RPF2: variants seen among roughly 807,000 people sequenced by gnomAD.
RPF2 encodes ribosome production factor 2 homolog.
A neutral mutation model predicts 38.9 loss-of-function variants in RPF2; 21 were observed. That is an observed-to-expected ratio of 0.54 (90% CI 0.38 to 0.78). RPF2 has a LOEUF of 0.78. Among genes scored for constraint, RPF2 ranks in the 30% least tolerant of loss-of-function variants. The pLI is 0.00. For synonymous variants in RPF2, 121 were observed against 126.2 expected, an observed-to-expected ratio of 0.96 and a Z score of 0.28; for missense variants, 314 against 358.1, an observed-to-expected ratio of 0.88 and a Z score of 0.99.
chr6:111,014,977 C>T (rs1772081855), intron 7 of RPF2, among the ~76,000 whole-genome samples: 1 of 152,014 alleles, frequency 6.6e-6, no homozygotes, highest in Admixed American at 6.6e-5. Context: ...GAGGTTTCAC[C>T]ATGTTGCCCA....
At chr6:110,989,106 T>C in intron 3 of RPF2, 41 bp downstream of exon 3, 1 of 1,481,196 alleles carries the variant, frequency 6.8e-7, no homozygotes, top group Non-Finnish European at 8.9e-7. Context: ...AATGATTTTG[T>C]TTCATTATAA....
intron 6 of RPF2, among the ~76,000 whole-genome samples, chr6:111,003,448 G>T (rs998197824): frequency 1.3e-5 from 2 of 151,718 alleles, no homozygotes; most frequent in East Asian, 3.9e-4. Flanking sequence ...CTACCACCAT[G>T]CCCAGCTAAT....
intron 2 of RPF2, among the ~76,000 whole-genome samples, chr6:110,987,150 C>T (rs1450731317): frequency 6.6e-6 from 1 of 151,978 alleles, no homozygotes; most frequent in Non-Finnish European, 1.5e-5. Context: ...TTACTGCAAC[C>T]TCTGACTCCC....
chr6:111,025,196 T>C lies in RPF2; in HGVS notation c.742-207T>C, dbSNP rs78243923. ...ATATCAGGCCCTACCCTAGACATAC[T>C]GAATTAGGATCTGTATTTTAGCAAG... is the stretch of plus-strand genomic sequence containing the variant. On this transcript the variant is annotated intron_variant, in intron 9 of 9. Transcript: ENST00000441448. 9.1e-3 allele frequency among the ~76,000 whole-genome samples: 1,379 copies of C among 152,278 alleles called. 22 individuals carry two copies. Among genetic ancestry groups the C allele is most frequent in the African/African-American group, 0.032 (1,315 of 41,544 alleles).
At position 111,028,034 on chromosome 6, in the gene RPF2, G is replaced by A. The variant is rs535434134; in HGVS notation, c.*2452G>A. 1.4e-3 allele frequency: 212 copies of A among 152,114 alleles called. No individual in the cohort carries two copies. Among genetic ancestry groups the A allele is most frequent in the African/African-American group, 4.6e-3 (192 of 41,522 alleles). 9.4% of individuals were successfully genotyped at this position (152,114 alleles called of 1,614,324 possible). On this transcript the variant is annotated 3_prime_UTR_variant, in exon 10 of 10. Transcript: ENST00000441448. ...CTTAATGTTGGGTTTTGGTAGATGA[G>A]GAAAGCATTTTGGTTATTTGTTTTG...
At chr6:111,013,199 T>C (rs932327115) in intron 7 of RPF2, among the ~76,000 whole-genome samples, 3 of 152,214 alleles carry the variant, frequency 2.0e-5, no homozygotes, top group Non-Finnish European at 4.4e-5. Flanking sequence ...CTACCTAGAA[T>C]GCAGGGCCCC....
chr6:110,985,009 G>T lies in RPF2; in HGVS notation c.27G>T (p.Lys9Asn). The change falls in exon 2 of 10, where the codon AAG becomes AAT. Residue 9 changes from lysine (K) to asparagine (N), a missense_variant. Coordinates refer to ENST00000441448, the MANE Select transcript of RPF2 (RefSeq NM_032194.3). The stretch of plus-strand genomic sequence containing the variant: ...TGAATTGTGCTTTTCTGAACAGAAA[G>T]CCCAAAACGAAAAGAGCCAAGAGAT... Reference protein sequence around the residue: MDTLDRVVKPKTKRAKRFL... With the variant: MDTLDRVVNPKTKRAKRFL... 1 of 1,611,070 alleles carries T rather than the reference G, an allele frequency of 6.2e-7. No individual in the cohort carries two copies. Among genetic ancestry groups the T allele is most frequent in the Non-Finnish European group, 8.5e-7 (1 of 1,179,494 alleles).
intron 7 of RPF2, among the ~76,000 whole-genome samples, chr6:111,011,475 A>G (rs1389786048): frequency 6.6e-6 from 1 of 151,990 alleles, no homozygotes; most frequent in African/African-American, 2.4e-5. Context: ...TTTAGTAAAG[A>G]CTGGGTTTCA....
chr6:111,021,242 T>C (rs1253418760), intron 8 of RPF2, among the ~76,000 whole-genome samples: 1 of 152,162 alleles, frequency 6.6e-6, no homozygotes, highest in East Asian at 1.9e-4. Context: ...AAAAATCTGA[T>C]TGCTAGAATC....
Position 111,008,124 on chromosome 6 carries a change from A to C in RPF2, c.480A>C (p.Lys160Asn). ...TAACAGAAGATTATAGAAGACTAAAAAGTCTTCTTATTGGTAAGTATTTTA... is the reference window on the plus strand; with the variant it reads ...TAACAGAAGATTATAGAAGACTAAACAGTCTTCTTATTGGTAAGTATTTTA... ...FDVTEDYRRLKSLLIDFFRGP... is the reference protein window; with the variant it reads ...FDVTEDYRRLNSLLIDFFRGP... Residue 160 changes from lysine (K) to asparagine (N), a missense_variant, in exon 7 of 10, where the codon AAA (lysine) becomes AAC (asparagine). Coordinates refer to ENST00000441448, the MANE Select transcript of RPF2 (RefSeq NM_032194.3). 6.3e-7 allele frequency: 1 copy of C among 1,599,944 alleles called. No individual in the cohort carries two copies. The highest frequency in any genetic ancestry group is 1.1e-5 in the South Asian group (1 of 87,456).
At chr6:111,018,059 G>A (rs1390341940) in intron 8 of RPF2, among the ~76,000 whole-genome samples, 7 of 152,104 alleles carry the variant, frequency 4.6e-5, no homozygotes, top group East Asian at 3.9e-4. Flanking sequence ...AAAAAAATAC[G>A]AAAACCAGTC....
intron 8 of RPF2, among the ~76,000 whole-genome samples, chr6:111,018,382 G>A (rs1245374986): frequency 6.6e-6 from 1 of 152,204 alleles, no homozygotes; most frequent in Non-Finnish European, 1.5e-5. Context: ...AGACTTTGCT[G>A]TACATTTTGA....
intron 3 of RPF2, among the ~76,000 whole-genome samples, chr6:110,991,198 TTATAA>T (rs1771613261): frequency 6.6e-6 from 1 of 152,192 alleles, no homozygotes; most frequent in African/African-American, 2.4e-5. Context: ...TCTCGATTAC[TTATAA>T]TATCTAATAT....
chr6:111,023,003 A>AT (rs1305617782), intron 8 of RPF2, among the ~76,000 whole-genome samples: 1 of 152,196 alleles, frequency 6.6e-6, no homozygotes, highest in African/African-American at 2.4e-5. Context: ...GGTTTAAGCG[A>AT]TTCTCCTGCC....
chr6:110,989,699 C>T (rs1194611402), intron 3 of RPF2, among the ~76,000 whole-genome samples: 3 of 150,048 alleles, frequency 2.0e-5, no homozygotes, highest in African/African-American at 7.4e-5. Context: ...GATCTCGCCT[C>T]GCTGCAACCT....
intron 8 of RPF2, among the ~76,000 whole-genome samples, chr6:111,018,166 C>A (rs560648666): frequency 6.8e-6 from 1 of 146,060 alleles, no homozygotes; most frequent in East Asian, 2.0e-4. Context: ...GGCAGCAGTA[C>A]AGTCCAGCTT....
intron 2 of RPF2, 189 bp from the exon 3 acceptor site, chr6:110,988,839 G>T: frequency 1.4e-6 from 1 of 690,456 alleles, no homozygotes. Context: ...AAATAGGAAA[G>T]TCTAGTCCAA....
At chr6:111,006,682 ACTGCAGC>A (rs1233569053) in intron 6 of RPF2, among the ~76,000 whole-genome samples, 1 of 152,132 alleles carries the variant, frequency 6.6e-6, no homozygotes, top group Non-Finnish European at 1.5e-5. Flanking sequence ...ATCATGGCTC[ACTGCAGC>A]CTCCACCTTC....
intron 6 of RPF2, among the ~76,000 whole-genome samples, chr6:111,000,495 A>G (rs544655070): frequency 1.9e-4 from 29 of 152,320 alleles, no homozygotes; most frequent in South Asian, 1.2e-3. Flanking sequence ...ATTCTATAGT[A>G]TGTTGGTTAC....
Sources: allele counts gnomAD v4.1 joint callset (sites outside exome capture counted in the v4.1 genomes callset), GRCh38; gene constraint gnomAD v4.1.1; transcripts MANE v1.5; gene names NCBI Gene and HGNC (gene_info 2026-07-23, HGNC 2026-07-21).